The following PTPRT variants were observed in gnomAD, a reference collection of about 807,000 sequenced individuals.
PTPRT encodes receptor-type tyrosine-protein phosphatase T.
PTPRT carries 56 observed loss-of-function variants against 176.8 expected under a neutral mutation model. That is an observed-to-expected ratio of 0.32 (90% CI 0.26 to 0.40). The LOEUF is 0.40. PTPRT is among the 10% of genes least tolerant of loss of function. The pLI, the probability that PTPRT is intolerant of heterozygous loss-of-function variation, is 1.00. For missense variants in PTPRT, 1,540 were observed against 1,908.2 expected (o/e 0.81, Z 3.60); for synonymous variants, 783 against 739.0 (o/e 1.06, Z -0.96).
chr20:42,055,923 T>C, the PTPRT span, among the ~76,000 whole-genome samples: 1 of 152,060 alleles, frequency 6.6e-6, no homozygotes, highest in African/African-American at 2.4e-5. Flanking sequence ...TTTGTTCTCT[T>C]GTAGGGAGGT....
In PTPRT at chr20:43,062,347, C is replaced by G. The variant is rs1987501976; in HGVS notation, c.88+127299G>C. ...TGGCTGGGTAACCTAGGGCAAGCCACTTAACAGATCTGAGCCTTAGTTTCA... is the reference window on the plus strand; with the variant it reads ...TGGCTGGGTAACCTAGGGCAAGCCAGTTAACAGATCTGAGCCTTAGTTTCA... On this transcript the variant is annotated intron_variant, in intron 1 of 30. Coordinates refer to ENST00000373187, the MANE Select transcript of PTPRT (RefSeq NM_007050.6). Among the ~76,000 whole-genome samples, 4 of 152,238 alleles carry G rather than the reference C, an allele frequency of 2.6e-5. No homozygotes were observed. The South Asian group carries it at 6.2e-4, about 24-fold the overall frequency.
chr20:42,688,962 T>G (rs568271912), intron 6 of PTPRT, among the ~76,000 whole-genome samples: 2 of 152,090 alleles, frequency 1.3e-5, no homozygotes, highest in Non-Finnish European at 2.9e-5. Flanking sequence ...TAGAAGAAAG[T>G]GATACAGGCT....
intron 7 of PTPRT, among the ~76,000 whole-genome samples, chr20:42,564,032 G>A (rs1352161500): frequency 1.3e-5 from 2 of 152,190 alleles, no homozygotes; most frequent in Admixed American, 6.5e-5. Flanking sequence ...ACCATCAGAA[G>A]AGGGAAGAAA....
chr20:43,005,402 C>G (rs1436526242), intron 1 of PTPRT, among the ~76,000 whole-genome samples: 2 of 152,084 alleles, frequency 1.3e-5, no homozygotes, highest in African/African-American at 4.8e-5. Context: ...CACGTATTCT[C>G]AAACTGGGTG....
intron 15 of PTPRT, among the ~76,000 whole-genome samples, chr20:42,225,321 T>G (rs1336474778): frequency 1.3e-5 from 2 of 152,168 alleles, no homozygotes; most frequent in Non-Finnish European, 2.9e-5. Context: ...CTCTATAATT[T>G]CATAAATGAC....
intron 7 of PTPRT, among the ~76,000 whole-genome samples, chr20:42,510,893 A>T (rs185101516): frequency 2.8e-4 from 42 of 152,204 alleles, no homozygotes; most frequent in African/African-American, 1.0e-3. Flanking sequence ...CCCCTCCAAA[A>T]CTCATGTTGA....
At chr20:43,098,547 C>CTTTTTTT (rs752767685) in intron 1 of PTPRT, among the ~76,000 whole-genome samples, 2 of 141,892 alleles carry the variant, frequency 1.4e-5, no homozygotes. Context: ...TCTTTTTTTT[C>CTTTTTTT]TTTTTTTTTT....
At position 42,128,792 on chromosome 20, in the gene PTPRT, C is replaced by G. The variant is rs1403175661; in HGVS notation, c.2809G>C (p.Asp937His). ...SRVRLLVLDG[D>H]PHSDYINANY... is the part of the protein sequence containing the mutation. ...GCATTGATGTAGTCAGAGTGCGGGT[C>G]TCCATCCAGCACCAGCAGCCTCACC... Residue 937 changes from aspartate to histidine, a missense_variant, in exon 19 of 31, where the codon GAC (aspartate) becomes CAC (histidine). Physicochemically the swap from Asp to His is moderately conservative, Grantham distance 81. Transcript: ENST00000373187. The G allele has an allele frequency of 1.9e-6, 3 of 1,607,982 alleles. No homozygotes were observed. Among genetic ancestry groups the G allele is most frequent in the Non-Finnish European group, 2.5e-6 (3 of 1,176,632 alleles).
intron 3 of PTPRT, among the ~76,000 whole-genome samples, chr20:42,787,185 T>C (rs2077303964): frequency 6.6e-6 from 1 of 152,208 alleles, no homozygotes; most frequent in South Asian, 2.1e-4. Flanking sequence ...CTAAGCCACA[T>C]GTGCCAGTAT....
intron 17 of PTPRT, among the ~76,000 whole-genome samples, chr20:42,155,961 C>T (rs1347771482): frequency 1.3e-5 from 2 of 152,192 alleles, no homozygotes; most frequent in Non-Finnish European, 2.9e-5. Context: ...GTAACAAACA[C>T]TCATCTTTTG....
In PTPRT at chr20:42,806,165, T is replaced by C. The variant is rs2077605241; in HGVS notation, c.215-14699A>G. Among the ~76,000 whole-genome samples the C allele has an allele frequency of 2.0e-5, 3 of 152,018 alleles. No homozygotes were observed. In the South Asian group the frequency reaches 6.2e-4, roughly 32 times the overall value. ...ACATAGATTTTTCTCTGTCTTTGTT[T>C]CCCAATCTGTAAAATGGAGATAATA... On this transcript the variant is annotated intron_variant, in intron 2 of 30. Coordinates refer to ENST00000373187, the MANE Select transcript of PTPRT (RefSeq NM_007050.6).
At chr20:42,688,533 C>G (rs1341897722) in intron 6 of PTPRT, 1 of 152,188 alleles carries the variant, frequency 6.6e-6, no homozygotes, top group African/African-American at 2.4e-5. Context: ...GTAATGGATT[C>G]CCTTCAATAA....
chr20:43,064,277 A>G (rs560618789), intron 1 of PTPRT, among the ~76,000 whole-genome samples: 1 of 152,292 alleles, frequency 6.6e-6, no homozygotes, highest in East Asian at 1.9e-4. Context: ...CACCAGTTGA[A>G]TTTCACAGAC....
At chr20:42,959,627 G>GA (rs953561303) in intron 1 of PTPRT, among the ~76,000 whole-genome samples, 53 of 151,830 alleles carry the variant, frequency 3.5e-4, no homozygotes, top group African/African-American at 1.1e-3. Flanking sequence ...GGGACAACTG[G>GA]AAAAAAAATA....
intron 11 of PTPRT, among the ~76,000 whole-genome samples, chr20:42,326,599 C>T (rs1321023095): frequency 1.3e-5 from 2 of 151,966 alleles, no homozygotes; most frequent in Non-Finnish European, 2.9e-5. Context: ...AAGGAAAACA[C>T]AAATAAGAAA....
At chr20:42,598,916 G>A (rs745310019) in intron 7 of PTPRT, among the ~76,000 whole-genome samples, 7 of 152,192 alleles carry the variant, frequency 4.6e-5, no homozygotes, top group South Asian at 4.1e-4. Context: ...AGTACTTCAC[G>A]GCGGCTAAAT....
At chr20:42,142,605 C>T (rs1988681221) in intron 17 of PTPRT, among the ~76,000 whole-genome samples, 1 of 152,160 alleles carries the variant, frequency 6.6e-6, no homozygotes, top group South Asian at 2.1e-4. Flanking sequence ...AGTGGGGGGG[C>T]TCCTGAAACC....
chr20:42,895,228 C>T (rs1368413256), intron 1 of PTPRT, among the ~76,000 whole-genome samples: 1 of 152,006 alleles, frequency 6.6e-6, no homozygotes, highest in Non-Finnish European at 1.5e-5. Flanking sequence ...GAATCTCAGA[C>T]CAAAGTTGGG....
At chr20:42,637,492 G>A (rs563735614) in intron 7 of PTPRT, among the ~76,000 whole-genome samples, 27 of 152,236 alleles carry the variant, frequency 1.8e-4, no homozygotes, top group African/African-American at 6.0e-4. Flanking sequence ...CCAGAATGGG[G>A]TTCCTGCAGA....
Sources: allele counts gnomAD v4.1 joint callset (sites outside exome capture counted in the v4.1 genomes callset), GRCh38; gene constraint gnomAD v4.1.1; transcripts MANE v1.5; gene names NCBI Gene and HGNC (gene_info 2026-07-23, HGNC 2026-07-21).